KIRREL3: variants seen among roughly 807,000 people sequenced by gnomAD.
KIRREL3 encodes the protein kin of IRRE-like protein 3.
KIRREL3 carries 36 observed loss-of-function variants against 89.7 expected under a neutral mutation model. The ratio of observed to expected loss-of-function variants is 0.40; its 90% CI spans 0.31 to 0.53. The LOEUF is 0.53. KIRREL3 is among the 20% of genes least tolerant of loss of function. The pLI is 0.49. For synonymous variants in KIRREL3, 445 were observed against 441.4 expected (o/e 1.01, Z -0.10); for missense variants, 864 against 1,056.6 (o/e 0.82, Z 2.53).
chr11:126,940,562 C>T lies in KIRREL3; in HGVS notation c.55+59893G>A, dbSNP rs1948404493. 1 of 152,172 alleles carries T rather than the reference C, an allele frequency of 6.6e-6. No homozygotes were observed. The highest frequency in any genetic ancestry group is 2.4e-5 in the African/African-American group (1 of 41,438). The allele number at this position is 152,172 out of a possible 1,614,324, so 9.4% of individuals were successfully genotyped here. A position where few individuals can be genotyped will look rare whatever the true frequency, so the allele number is the denominator to read the frequency against. On this transcript the variant is annotated intron_variant, in intron 1 of 16. Transcript: ENST00000525144. This position sits in a 1 kb window ranked among gnomAD's most constrained non-coding sequence, Gnocchi z 4.6. The stretch of plus-strand genomic sequence containing the variant: ...ACAACAGAGAGAAGTAACTTTTCCT[C>T]ATTTCCACGGTGTGTGTGTGTGTCT...
intron 2 of KIRREL3, among the ~76,000 whole-genome samples, chr11:126,554,512 G>A (rs898574544): frequency 6.6e-5 from 10 of 152,142 alleles, no homozygotes; most frequent in African/African-American, 2.4e-4. Context: ...CCAGGTGACT[G>A]CCAATGTTTC....
At chr11:126,942,901 A>T (rs1948501531) in intron 1 of KIRREL3, among the ~76,000 whole-genome samples, 1 of 152,170 alleles carries the variant, frequency 6.6e-6, no homozygotes, top group Non-Finnish European at 1.5e-5. Flanking sequence ...ACTCCTCTAC[A>T]GCCCCAAATG....
At chr11:126,450,646 C>T (rs374732821) in intron 7 of KIRREL3, among the ~76,000 whole-genome samples, 1,932 of 135,058 alleles carry the variant, frequency 0.014, 36 homozygotes, top group African/African-American at 0.049. Flanking sequence ...AGCATGTGCA[C>T]GTGTGTGTGC....
At chr11:126,799,744 G>T (rs1950972514) in intron 1 of KIRREL3, among the ~76,000 whole-genome samples, 1 of 152,096 alleles carries the variant, frequency 6.6e-6, no homozygotes, top group African/African-American at 2.4e-5. Context: ...AAACCCCTCT[G>T]CCCCCAGTTT....
Position 126,999,570 on chromosome 11 carries a change from A to T in KIRREL3, c.55+885T>A, listed in dbSNP as rs746038019. ...ATGGCAGAGGTGCATTGGCATTCCA[A>T]AAGAGCGGGAAGGAGCCCATGTACT... On this transcript the variant is annotated intron_variant, in intron 1 of 16. Coordinates refer to ENST00000525144, the MANE Select transcript of KIRREL3 (RefSeq NM_032531.4). The surrounding 1 kb of genome is among the most constrained non-coding windows in gnomAD (Gnocchi z 5.7). Among the ~76,000 whole-genome samples, 5 of 152,238 alleles carry T rather than the reference A, an allele frequency of 3.3e-5. No homozygotes were observed. The highest frequency in any genetic ancestry group is 7.3e-5 in the Non-Finnish European group (5 of 68,042).
chr11:126,439,156 C>A (rs1565450706), intron 11 of KIRREL3, among the ~76,000 whole-genome samples: 1 of 152,054 alleles, frequency 6.6e-6, no homozygotes, highest in Non-Finnish European at 1.5e-5. Flanking sequence ...CATGGTGAAA[C>A]CTTATCTACT....
At chr11:126,665,852 T>A (rs1453419317) in intron 1 of KIRREL3, among the ~76,000 whole-genome samples, 1 of 152,214 alleles carries the variant, frequency 6.6e-6, no homozygotes, top group African/African-American at 2.4e-5. Context: ...CAGGAAGGTT[T>A]CTTAATCTCT....
intron 4 of KIRREL3, among the ~76,000 whole-genome samples, chr11:126,500,326 G>A (rs1011674149): frequency 1.3e-5 from 2 of 152,044 alleles, no homozygotes; most frequent in East Asian, 1.9e-4. Flanking sequence ...GTGGCTTGGT[G>A]CATCTCAGCT....
In KIRREL3 at chr11:126,938,553, T is replaced by G. The variant is rs139251650; in HGVS notation, c.55+61902A>C. ...GCTTAAAGGAATAAAACATACTTCCTAGGATTAGGCAACCAGCTACTCTAG... is the reference window on the plus strand; with the variant it reads ...GCTTAAAGGAATAAAACATACTTCCGAGGATTAGGCAACCAGCTACTCTAG... On this transcript the variant is annotated intron_variant, in intron 1 of 16. Transcript: ENST00000525144. Among the ~76,000 whole-genome samples the G allele has an allele frequency of 3.9e-5, 6 of 152,310 alleles. No homozygotes were observed. In the East Asian group the frequency reaches 1.2e-3, roughly 29 times the overall value.
Position 126,473,342 on chromosome 11 carries a change from C to G in KIRREL3, c.558G>C (p.Lys186Asn). The change falls in exon 5 of 17, where the codon AAG (lysine) becomes AAC (asparagine). Residue 186 changes from lysine to asparagine, a missense_variant. Physicochemically the swap from Lys to Asn is moderately conservative, Grantham distance 94. Transcript: ENST00000525144. Reference protein sequence around the residue: ...KPAASIIWLRKGEVINGATYS... With the variant: ...KPAASIIWLRNGEVINGATYS... ...AGGTGGCCCCATTGATGACCTCTCC[C>G]TTTCGCAACCAGATGATGGAGGCTG... 6.5e-7 allele frequency: 1 copy of G among 1,534,888 alleles called. No homozygotes were observed. Among genetic ancestry groups the G allele is most frequent in the Admixed American group, 2.0e-5 (1 of 49,538 alleles).
In KIRREL3 at chr11:126,576,473, C is replaced by A. The variant is rs1436770319; in HGVS notation, c.56-13561G>T. Among the ~76,000 whole-genome samples, 1 of 152,190 alleles carries A rather than the reference C, an allele frequency of 6.6e-6. No homozygotes were observed. The highest frequency in any genetic ancestry group is 1.5e-5 in the Non-Finnish European group (1 of 68,032). On this transcript the variant is annotated intron_variant, in intron 1 of 16. Coordinates refer to ENST00000525144, the MANE Select transcript of KIRREL3 (RefSeq NM_032531.4). This position sits in a 1 kb window ranked among gnomAD's most constrained non-coding sequence, Gnocchi z 5.4. ...AAGAATTTTTGCCTTCCCAAGCTTC[C>A]ATTTTAGACAGCTTCTATGTAGTTC...
chr11:126,596,279 A>G (rs1490535508), intron 1 of KIRREL3, among the ~76,000 whole-genome samples: 2 of 135,374 alleles, frequency 1.5e-5, no homozygotes, highest in African/African-American at 2.6e-5. Context: ...CACCTGGCAT[A>G]TGGTAGATGT....
intron 11 of KIRREL3, among the ~76,000 whole-genome samples, chr11:126,439,507 A>T (rs1320757326): frequency 6.9e-6 from 1 of 145,900 alleles, no homozygotes; most frequent in Non-Finnish European, 1.5e-5. Flanking sequence ...GCTCAGTAAG[A>T]CCCTCCCTTT....
chr11:126,926,269 G>T (rs928991476), intron 1 of KIRREL3, among the ~76,000 whole-genome samples: 1 of 152,222 alleles, frequency 6.6e-6, no homozygotes, highest in Non-Finnish European at 1.5e-5. Context: ...TCTGTGCAGC[G>T]ATTCAGTTCC....
In KIRREL3 at chr11:126,977,517, G is replaced by A. The variant is rs1018569102; in HGVS notation, c.55+22938C>T. The stretch of plus-strand genomic sequence containing the variant: ...CTAAGATTAGCATCCACTTTCTTTC[G>A]AGATTCCCATTATATTAATTCAATC... On this transcript the variant is annotated intron_variant, in intron 1 of 16. Transcript: ENST00000525144. This position sits in a 1 kb window ranked among gnomAD's most constrained non-coding sequence, Gnocchi z 4.7. Among the ~76,000 whole-genome samples, 3 of 152,050 alleles carry A rather than the reference G, an allele frequency of 2.0e-5. No individual in the cohort carries two copies. The highest frequency in any genetic ancestry group is 2.9e-5 in the Non-Finnish European group (2 of 68,016).
chr11:126,646,373 CAAAA>C (rs1944672457), intron 1 of KIRREL3, among the ~76,000 whole-genome samples: 2 of 151,836 alleles, frequency 1.3e-5, no homozygotes, highest in Non-Finnish European at 2.9e-5. Context: ...CCTCTTGAAA[CAAAA>C]TTTAACCATG....
intron 1 of KIRREL3, among the ~76,000 whole-genome samples, chr11:126,693,424 CACAA>C (rs112884108): frequency 5.9e-5 from 9 of 152,066 alleles, no homozygotes; most frequent in South Asian, 2.1e-4. Flanking sequence ...CTGTCTCAAA[CACAA>C]ACAAACAAAC....
intron 1 of KIRREL3, among the ~76,000 whole-genome samples, chr11:126,962,706 G>A (rs1480572055): frequency 1.3e-5 from 2 of 152,182 alleles, no homozygotes; most frequent in South Asian, 2.1e-4. Context: ...CTGTCAAACA[G>A]CATCACATGA....
In KIRREL3 at chr11:126,843,081, T is replaced by C. The variant is rs183111756; in HGVS notation, c.55+157374A>G. Among the ~76,000 whole-genome samples, 143 of 152,232 alleles carry C rather than the reference T, an allele frequency of 9.4e-4. 1 individual carries two copies. Among genetic ancestry groups the C allele is most frequent in the African/African-American group, 3.0e-3 (126 of 41,530 alleles). On this transcript the variant is annotated intron_variant, in intron 1 of 16. Coordinates refer to ENST00000525144, the MANE Select transcript of KIRREL3 (RefSeq NM_032531.4). This position sits in a 1 kb window ranked among gnomAD's most constrained non-coding sequence, Gnocchi z 4.6. ...TCCAAAGTCAAACTGAGGGGCTGGCTCACATTTCTATATAACAGTGTCCTC... is the reference window on the plus strand; with the variant it reads ...TCCAAAGTCAAACTGAGGGGCTGGCCCACATTTCTATATAACAGTGTCCTC...
Sources: allele counts gnomAD v4.1 joint callset (sites outside exome capture counted in the v4.1 genomes callset), GRCh38; gene constraint gnomAD v4.1.1; non-coding constraint Gnocchi (gnomAD v3.1); transcripts MANE v1.5; gene names NCBI Gene and HGNC (gene_info 2026-07-23, HGNC 2026-07-21).